FRMPD4: variants seen among roughly 807,000 people sequenced by gnomAD.
The protein encoded by FRMPD4 is FERM and PDZ domain containing 4.
FRMPD4 carries 22 observed loss-of-function variants against 94.1 expected under a neutral mutation model. That is an observed-to-expected ratio of 0.23 (90% CI 0.17 to 0.33). FRMPD4 has a LOEUF of 0.33. Among genes scored for constraint, FRMPD4 ranks in the 10% least tolerant of loss-of-function variants. The pLI, the probability that FRMPD4 is intolerant of heterozygous loss-of-function variation, is 1.00. For missense variants in FRMPD4, 1,111 were observed against 1,339.9 expected (o/e 0.83, Z 2.67); for synonymous variants, 631 against 548.6 (o/e 1.15, Z -2.10).
intron 3 of FRMPD4, among the ~76,000 whole-genome samples, chrX:12,064,732 C>T (rs764275429): frequency 8.9e-6 from 1 of 111,937 alleles, no homozygotes; most frequent in South Asian, 3.7e-4. Flanking sequence ...AAAAAGGAAA[C>T]AGGTTATAGG....
At chrX:12,201,230 C>A (rs1203877281) in intron 1 of FRMPD4, among the ~76,000 whole-genome samples, 1 of 112,411 alleles carries the variant, frequency 8.9e-6, no homozygotes, top group Non-Finnish European at 1.9e-5. Flanking sequence ...TCTATCTTTT[C>A]TGTTTTTCTG....
intron 1 of FRMPD4, among the ~76,000 whole-genome samples, chrX:12,280,258 A>ATAT (rs2054503495): frequency 9.3e-6 from 1 of 106,959 alleles, no homozygotes; most frequent in Non-Finnish European, 1.9e-5. Context: ...AATAATAATA[A>ATAT]TAATAATAAT....
At chrX:12,107,741 C>G (rs932900463) in intron 3 of FRMPD4, among the ~76,000 whole-genome samples, 1 of 110,576 alleles carries the variant, frequency 9.0e-6, no homozygotes, top group African/African-American at 3.3e-5. Context: ...CCTGATGGAG[C>G]TGAAAACCAT....
chrX:11,927,014 C>T (rs761970526), intron 3 of FRMPD4, among the ~76,000 whole-genome samples: 1 of 111,146 alleles, frequency 9.0e-6, no homozygotes, highest in African/African-American at 3.3e-5. Flanking sequence ...AGTCTCAGCC[C>T]AAAAGCTTCT....
At chrX:12,556,670 G>T (rs894268359) in intron 2 of FRMPD4, among the ~76,000 whole-genome samples, 1 of 111,788 alleles carries the variant, frequency 8.9e-6, no homozygotes, top group Non-Finnish European at 1.9e-5. Context: ...GTGGTCATTT[G>T]TTACAGCAGC....
chrX:11,831,291 G>A (rs2053473460), intron 1 of FRMPD4, among the ~76,000 whole-genome samples: 1 of 111,730 alleles, frequency 9.0e-6, no homozygotes, highest in African/African-American at 3.2e-5. Flanking sequence ...TTGGTAATGA[G>A]GATGGAAGGC....
intron 2 of FRMPD4, among the ~76,000 whole-genome samples, chrX:12,603,350 C>CA (rs1201282092): frequency 8.9e-6 from 1 of 111,803 alleles, no homozygotes. Context: ...ATGAGTGCAT[C>CA]AAAAACTGGA....
At chrX:11,905,011 C>G (rs955660697) in intron 3 of FRMPD4, among the ~76,000 whole-genome samples, 1 of 111,821 alleles carries the variant, frequency 8.9e-6, no homozygotes, top group Non-Finnish European at 1.9e-5. Flanking sequence ...TGTGCACAGC[C>G]CAGAGGATGA....
chrX:12,721,735 C>G lies in FRMPD4; in HGVS notation c.5166C>G (p.Ala1722=). The G allele has an allele frequency of 2.6e-6, 2 of 754,824 alleles. No individual in the cohort carries two copies. The highest frequency in any genetic ancestry group is 3.1e-6 in the Non-Finnish European group (2 of 638,531). 62.2% of individuals were successfully genotyped at this position (754,824 alleles called of 1,213,427 possible). Residue 1722 remains alanine (A), a synonymous_variant, in exon 17 of 17, where the codon GCC becomes GCG. Coordinates refer to ENST00000675598, the MANE Select transcript of FRMPD4 (RefSeq NM_001368397.1). ...ATTACATTTGTCTACTGAAAGCTGCCGAAGCAGCCACTGGAAAGAACCCTG... is the reference window on the plus strand; with the variant it reads ...ATTACATTTGTCTACTGAAAGCTGCGGAAGCAGCCACTGGAAAGAACCCTG... ...VINYICLLKA[A]EAATGKNPGD...
intron 1 of FRMPD4, among the ~76,000 whole-genome samples, chrX:12,426,727 A>G (rs1307407273): frequency 9.0e-6 from 1 of 111,595 alleles, no homozygotes; most frequent in Admixed American, 9.5e-5. Context: ...ATGCTTGCTC[A>G]TGAAGAACAC....
intron 2 of FRMPD4, among the ~76,000 whole-genome samples, chrX:12,587,590 T>G (rs188407223): frequency 9.5e-6 from 1 of 104,761 alleles, no homozygotes; most frequent in Non-Finnish European, 1.9e-5. Context: ...TCATTCATGT[T>G]GTAGTATGTA....
At chrX:12,619,602 G>A (rs765435418) in intron 4 of FRMPD4, among the ~76,000 whole-genome samples, 23 of 111,857 alleles carry the variant, frequency 2.1e-4, no homozygotes, top group Admixed American at 1.5e-3. Context: ...ACATCCCCCC[G>A]TGGAGTTGGC....
intron 2 of FRMPD4, among the ~76,000 whole-genome samples, chrX:12,539,474 G>C (rs751843067): frequency 1.1e-4 from 12 of 111,606 alleles, no homozygotes; most frequent in Non-Finnish European, 1.9e-4. Flanking sequence ...GCAACTGCAA[G>C]ACACATATTT....
intron 4 of FRMPD4, among the ~76,000 whole-genome samples, chrX:12,625,463 A>T (rs949256351): frequency 5.1e-4 from 57 of 111,130 alleles, no homozygotes; most frequent in African/African-American, 1.8e-3. Flanking sequence ...ATCCAGCAAT[A>T]AAAAAAAATC....
chrX:12,419,810 C>T (rs1047338623), intron 1 of FRMPD4, among the ~76,000 whole-genome samples: 2 of 111,830 alleles, frequency 1.8e-5, no homozygotes, highest in South Asian at 7.5e-4. Flanking sequence ...CAGAGAGGAA[C>T]ACCATGTACA....
intron 2 of FRMPD4, among the ~76,000 whole-genome samples, chrX:12,600,789 C>T (rs1290741102): frequency 8.9e-6 from 1 of 112,137 alleles, no homozygotes; most frequent in Non-Finnish European, 1.9e-5. Flanking sequence ...GTATATTTTG[C>T]TATATTTCGT....
chrX:12,074,119 G>T, intron 3 of FRMPD4, among the ~76,000 whole-genome samples: 1 of 111,816 alleles, frequency 8.9e-6, no homozygotes, highest in East Asian at 2.8e-4. Flanking sequence ...ATATGTTTTA[G>T]GTTTGTGACG....
intron 1 of FRMPD4, among the ~76,000 whole-genome samples, chrX:12,457,756 A>G (rs146814693): frequency 1.5e-3 from 173 of 112,311 alleles, no homozygotes; most frequent in African/African-American, 5.4e-3. Context: ...GATTTCGGAA[A>G]ATGGTGATTC....
At chrX:12,168,545 T>C (rs1014617335) in intron 1 of FRMPD4, among the ~76,000 whole-genome samples, 6 of 109,703 alleles carry the variant, frequency 5.5e-5, no homozygotes, top group Non-Finnish European at 1.1e-4. Flanking sequence ...TTTTATTAGA[T>C]AATAAGTTAG....
Sources: allele counts gnomAD v4.1 joint callset (sites outside exome capture counted in the v4.1 genomes callset), GRCh38; gene constraint gnomAD v4.1.1; transcripts MANE v1.5; gene names NCBI Gene and HGNC (gene_info 2026-07-23, HGNC 2026-07-21).